MTRFR: variants seen among roughly 807,000 people sequenced by gnomAD.
MTRFR encodes mitochondrial translation release factor in rescue, also known as probable peptide chain release factor C12orf65, mitochondrial.
In MTRFR, 10 loss-of-function variants were observed where a neutral mutation model predicts 11.9. That is an observed-to-expected ratio of 0.84 (90% CI 0.52 to 1.42). The LOEUF is 1.42. MTRFR is among the 40% of genes most tolerant of loss of function. The pLI, the probability that MTRFR is intolerant of heterozygous loss-of-function variation, is 0.00. For synonymous variants in MTRFR, 77 were observed against 79.1 expected (o/e 0.97, Z 0.14); for missense variants, 196 against 197.9 (o/e 0.99, Z 0.06).
chr12:123,254,344 A>C, intron 2 of MTRFR: 1 of 224,308 alleles, frequency 4.5e-6, no homozygotes. Flanking sequence ...CCACTGCAGG[A>C]AGGCTGCCGA....
At chr12:123,256,585 A>G (rs2048184143) in intron 2 of MTRFR, among the ~76,000 whole-genome samples, 1 of 152,142 alleles carries the variant, frequency 6.6e-6, no homozygotes, top group Non-Finnish European at 1.5e-5. Context: ...AATCCCAGCT[A>G]CTTGGGAGGC....
At chr12:123,235,994 G>T (rs1199718383) in intron 1 of MTRFR, among the ~76,000 whole-genome samples, 1 of 152,002 alleles carries the variant, frequency 6.6e-6, no homozygotes, top group Non-Finnish European at 1.5e-5. Flanking sequence ...AACCCGGGAG[G>T]CAAAGGTTGT....
intron 1 of MTRFR, among the ~76,000 whole-genome samples, chr12:123,235,130 A>G (rs1377046043): frequency 6.6e-6 from 1 of 152,174 alleles, no homozygotes; most frequent in East Asian, 1.9e-4. Flanking sequence ...TGTAGTTGAG[A>G]GATCTGACAT....
intron 1 of MTRFR, chr12:123,249,463 C>G (rs1247664121): frequency 6.6e-6 from 1 of 152,542 alleles, no homozygotes; most frequent in Admixed American, 6.5e-5. Context: ...ACGCCCTGCT[C>G]CACGGGGAGG....
In MTRFR at chr12:123,256,993, C is replaced by CTT. The variant is rs769526083; in HGVS notation, c.464_465dup (p.Lys156LeufsTer21). ...GGAAACCCTGGAAAAAAAGAAGCTA[C>CTT]TTAAAGAACTGTGGGAGTCAAGTAA... On this transcript the variant is annotated frameshift_variant, in exon 3 of 3. Coordinates refer to ENST00000253233, the MANE Select transcript of MTRFR (RefSeq NM_152269.5). LOFTEE classifies it high-confidence loss of function. The CTT allele has an allele frequency of 1.9e-6, 3 of 1,612,498 alleles. No individual in the cohort carries two copies. The highest frequency in any genetic ancestry group is 2.2e-5 in the South Asian group (2 of 90,600).
intron 1 of MTRFR, chr12:123,253,380 C>T (rs2048139821): frequency 7.7e-6 from 3 of 387,982 alleles, no homozygotes; most frequent in South Asian, 4.3e-5. Flanking sequence ...GAAAACAGCA[C>T]CCCCGGGTGC....
intron 1 of MTRFR, among the ~76,000 whole-genome samples, chr12:123,234,184 G>A (rs1418649117): frequency 6.6e-6 from 1 of 152,122 alleles, no homozygotes; most frequent in Non-Finnish European, 1.5e-5. Context: ...ACATTCTTCA[G>A]CATAGTTAAC....
Position 123,253,251 on chromosome 12 carries a change from G to A in MTRFR, c.-28-396G>A, listed in dbSNP as rs192610435. On this transcript the variant is annotated intron_variant, in intron 1 of 2. Coordinates refer to ENST00000253233, the MANE Select transcript of MTRFR (RefSeq NM_152269.5). ...GAGATAGTTTCATCATCTTGGCCAG[G>A]CTGGTCTTGAACTCCTGACCTTGTG... The A allele has an allele frequency of 7.2e-5, 18 of 248,558 alleles. No individual in the cohort carries two copies. In the East Asian group the frequency reaches 1.9e-3, roughly 26 times the overall value. The allele number at this position is 248,558 out of a possible 1,614,324, so 15.4% of individuals were successfully genotyped here. A position where few individuals can be genotyped will look rare whatever the true frequency, so the allele number is the denominator to read the frequency against.
intron 1 of MTRFR, among the ~76,000 whole-genome samples, chr12:123,247,512 C>A (rs1440972410): frequency 6.6e-6 from 1 of 152,188 alleles, no homozygotes; most frequent in African/African-American, 2.4e-5. Context: ...CCTTTTTCCA[C>A]CCCTTTAAGT....
chr12:123,245,783 A>C (rs976174368), intron 1 of MTRFR, among the ~76,000 whole-genome samples: 1 of 152,144 alleles, frequency 6.6e-6, no homozygotes, highest in Non-Finnish European at 1.5e-5. Context: ...GAATTCTTTT[A>C]TCAGTTCTAG....
At chr12:123,244,482 C>T (rs534025436) in intron 1 of MTRFR, among the ~76,000 whole-genome samples, 19 of 152,258 alleles carry the variant, frequency 1.2e-4, no homozygotes, top group Middle Eastern at 3.4e-3. Context: ...GTGCCTACTA[C>T]ATAATCTACT....
At position 123,239,855 on chromosome 12, in the gene MTRFR, A is replaced by T. The variant is rs182966634; in HGVS notation, c.-29+6324A>T. On this transcript the variant is annotated intron_variant, in intron 1 of 2. Transcript: ENST00000253233. ...GCTAGCTCAAATCAGTATTTGTTTA[A>T]TTCTTTTCTTGGGACGATTTCCTTG... 1.0e-3 allele frequency among the ~76,000 whole-genome samples: 158 copies of T among 152,072 alleles called. 4 individuals are homozygous for T. In the East Asian group the frequency reaches 0.03, roughly 29 times the overall value.
intron 1 of MTRFR, among the ~76,000 whole-genome samples, chr12:123,246,293 T>G (rs2048039005): frequency 6.6e-6 from 1 of 152,140 alleles, no homozygotes; most frequent in Admixed American, 6.6e-5. Context: ...TCTCAGGTGA[T>G]CCACACTCCT....
In MTRFR at chr12:123,257,899, A is replaced by G. The variant is rs1249703318; in HGVS notation, c.*868A>G. On this transcript the variant is annotated 3_prime_UTR_variant, in exon 3 of 3. Coordinates refer to ENST00000253233, the MANE Select transcript of MTRFR (RefSeq NM_152269.5). The stretch of plus-strand genomic sequence containing the variant: ...TCAAATTGTACCTTTGTGAGATTGT[A>G]TGTTTTGTAATAATAAAATTTTTTT... 1.3e-5 allele frequency: 2 copies of G among 152,232 alleles called. No homozygotes were observed. Among genetic ancestry groups the G allele is most frequent in the African/African-American group, 2.4e-5 (1 of 41,460 alleles). 9.4% of individuals were successfully genotyped at this position (152,232 alleles called of 1,614,324 possible). A position where few individuals can be genotyped will look rare whatever the true frequency, so the allele number is the denominator to read the frequency against.
chr12:123,235,861 C>T (rs1247576091), intron 1 of MTRFR, among the ~76,000 whole-genome samples: 2 of 151,604 alleles, frequency 1.3e-5, no homozygotes, highest in Admixed American at 6.6e-5. Context: ...GTCAGGAGTT[C>T]GAGACCAGCC....
chr12:123,256,510 A>C (rs537473326), intron 2 of MTRFR, among the ~76,000 whole-genome samples: 7 of 152,318 alleles, frequency 4.6e-5, no homozygotes, highest in Admixed American at 3.3e-4. Context: ...AGCCTGGCCA[A>C]CATGGTGAAA....
At chr12:123,254,314 T>G in intron 2 of MTRFR, 1 of 265,770 alleles carries the variant, frequency 3.8e-6, no homozygotes, top group South Asian at 5.1e-5. Context: ...CCGGGCAGCA[T>G]GGTTCTTTCA....
At chr12:123,242,565 A>G (rs2138758941) in intron 1 of MTRFR, among the ~76,000 whole-genome samples, 1 of 152,316 alleles carries the variant, frequency 6.6e-6, no homozygotes, top group Middle Eastern at 3.4e-3. Flanking sequence ...TCCAGGAGAT[A>G]CTAAAAGTGT....
At chr12:123,247,891 G>A (rs2048064814) in intron 1 of MTRFR, among the ~76,000 whole-genome samples, 1 of 151,850 alleles carries the variant, frequency 6.6e-6, no homozygotes, top group African/African-American at 2.4e-5. Context: ...CTTGCAGTGA[G>A]CCATTATCAT....
Sources: allele counts gnomAD v4.1 joint callset (sites outside exome capture counted in the v4.1 genomes callset), GRCh38; gene constraint gnomAD v4.1.1; transcripts MANE v1.5; gene names NCBI Gene and HGNC (gene_info 2026-07-23, HGNC 2026-07-21).